CALCOCO1: variants seen among roughly 807,000 people sequenced by gnomAD.
The protein encoded by CALCOCO1 is calcium binding and coiled-coil domain 1.
CALCOCO1 carries 44 observed loss-of-function variants against 86.3 expected under a neutral mutation model. The observed-to-expected ratio is 0.51, with a 90% CI of 0.40 to 0.66. CALCOCO1 has a LOEUF of 0.66. Ranked by LOEUF, CALCOCO1 falls within the 30% of genes least tolerant of loss-of-function variation. CALCOCO1 has a pLI of 0.00. For synonymous variants in CALCOCO1, 297 were observed against 327.6 expected, an observed-to-expected ratio of 0.91 and a Z score of 1.01; for missense variants, 708 against 851.1, an observed-to-expected ratio of 0.83 and a Z score of 2.09.
At chr12:53,724,813 G>T in intron 2 of CALCOCO1, 66 bp from the exon 3 acceptor site, 2 of 1,329,478 alleles carry the variant, frequency 1.5e-6, no homozygotes, top group Non-Finnish European at 2.1e-6. Context: ...GGAAGAAAGG[G>T]CTGAGGGGTT....
At position 53,709,070 on chromosome 12, in the gene CALCOCO1, C is replaced by T. The variant is rs576765672; in HGVS notation, c.*2874G>A. 4.6e-5 allele frequency: 7 copies of T among 152,366 alleles called. No individual in the cohort carries two copies. The highest frequency in any genetic ancestry group is 1.3e-4 in the Admixed American group (2 of 15,304). 9.4% of individuals were successfully genotyped at this position (152,366 alleles called of 1,614,324 possible). A position where few individuals can be genotyped will look rare whatever the true frequency, so the allele number is the denominator to read the frequency against. ...AGTGGTGTGTTTGGATTCGTTCTTT[C>T]ACCACCAAATACTGACGCGAGTTCC... On this transcript the variant is annotated 3_prime_UTR_variant, in exon 15 of 15. Transcript: ENST00000550804.
rs1945819653 is a variant in CALCOCO1, at chr12:53,719,791, T to C, written c.797A>G (p.Glu266Gly). The change falls in exon 7 of 15, where the codon GAG becomes GGG. Residue 266 changes from glutamate to glycine, a missense_variant. By Grantham distance (98) the Glu-to-Gly change is moderately conservative. Coordinates refer to ENST00000550804, the MANE Select transcript of CALCOCO1 (RefSeq NM_020898.3). ...TTCTTTCAGTTGCCCAAGGAGCTTCTCTTGTTCCCGAGTCAGGGCCTTCAC... is the reference window on the plus strand; with the variant it reads ...TTCTTTCAGTTGCCCAAGGAGCTTCCCTTGTTCCCGAGTCAGGGCCTTCAC... ...DTVKALTREQ[E>G]KLLGQLKEVQ... is the part of the protein sequence containing the mutation. 3 of 1,613,988 alleles carry C rather than the reference T, an allele frequency of 1.9e-6. No homozygotes were observed. The highest frequency in any genetic ancestry group is 1.7e-6 in the Non-Finnish European group (2 of 1,179,900).
intron 11 of CALCOCO1, 64 bp from the exon 12 acceptor site, chr12:53,714,305 C>T: frequency 8.1e-7 from 1 of 1,237,270 alleles, no homozygotes; most frequent in South Asian, 1.3e-5. Flanking sequence ...TGCTAGCCTG[C>T]AGAAGCTGCA....
chr12:53,716,144 G>C, intron 8 of CALCOCO1, 97 bp from the exon 9 acceptor site: 1 of 1,579,874 alleles, frequency 6.3e-7, no homozygotes, highest in Non-Finnish European at 8.6e-7. Flanking sequence ...ATTAGGACTC[G>C]GGGTTGTGTT....
intron 1 of CALCOCO1, among the ~76,000 whole-genome samples, chr12:53,726,851 A>T (rs548092904): frequency 6.6e-6 from 1 of 152,334 alleles, no homozygotes; most frequent in Admixed American, 6.5e-5. Flanking sequence ...ACACCCCACA[A>T]AGAAAATCCG....
At chr12:53,726,815 A>G (rs762430087) in intron 1 of CALCOCO1, among the ~76,000 whole-genome samples, 1 of 152,176 alleles carries the variant, frequency 6.6e-6, no homozygotes, top group African/African-American at 2.4e-5. Context: ...ATTGTCCCCA[A>G]AGATATACCT....
rs1945889577 is a variant in CALCOCO1 at position 53,722,109 on chromosome 12, T to A, written c.525A>T (p.Thr175=). The change falls in exon 5 of 15, where the codon ACA becomes ACT. Residue 175 remains threonine (T), a synonymous_variant. Coordinates refer to ENST00000550804, the MANE Select transcript of CALCOCO1 (RefSeq NM_020898.3). ...GCTCCTGCACTCGGCTCCTCAGCTCTGTCACCTGTCCCTCCAGCTGTAGCT... is the reference window on the plus strand; with the variant it reads ...GCTCCTGCACTCGGCTCCTCAGCTCAGTCACCTGTCCCTCCAGCTGTAGCT... ...QLKLQLEGQV[T]ELRSRVQELE... The A allele has an allele frequency of 6.2e-7, 1 of 1,613,878 alleles. No homozygotes were observed. Among genetic ancestry groups the A allele is most frequent in the African/African-American group, 1.3e-5 (1 of 74,946 alleles).
At chr12:53,717,790 G>A (rs899624649) in intron 7 of CALCOCO1, among the ~76,000 whole-genome samples, 2 of 152,226 alleles carry the variant, frequency 1.3e-5, no homozygotes, top group Non-Finnish European at 2.9e-5. Context: ...TTGGGAGGCC[G>A]AGGTGGGCGG....
chr12:53,712,023 T>G lies in CALCOCO1; in HGVS notation c.1997A>C (p.Glu666Ala). 1 of 1,611,424 alleles carries G rather than the reference T, an allele frequency of 6.2e-7. No individual in the cohort carries two copies. Among genetic ancestry groups the G allele is most frequent in the Non-Finnish European group, 8.5e-7 (1 of 1,178,858 alleles). ...GTCCTCCAGGGCATCCTTGTCACTC[T>G]CAGCAGGAAAGCGCTCCTTACAGAT... ...CPICKERFPA[E>A]SDKDALEDHM... Residue 666 changes from glutamate (E) to alanine (A), a missense_variant, in exon 15 of 15, where the codon GAG (glutamate) becomes GCG (alanine). By Grantham distance (107) the Glu-to-Ala change is moderately radical. Coordinates refer to ENST00000550804, the MANE Select transcript of CALCOCO1 (RefSeq NM_020898.3).
chr12:53,724,686 G>A lies in CALCOCO1; in HGVS notation c.218C>T (p.Thr73Ile). The A allele has an allele frequency of 6.2e-7, 1 of 1,614,034 alleles. No individual in the cohort carries two copies. The highest frequency in any genetic ancestry group is 8.5e-7 in the Non-Finnish European group (1 of 1,179,976). ...GGTGTGAATGGGGGAACCATCAGTT[G>A]TACTTTCAGGCACGGAAGACCACAC... ...TFVWSSVPESTTDGSPIHTSV... is the reference protein window; with the variant it reads ...TFVWSSVPESITDGSPIHTSV... Residue 73 changes from threonine to isoleucine, a missense_variant, in exon 3 of 15, where the codon ACA becomes ATA. By Grantham distance (89) the Thr-to-Ile change is moderately conservative. Coordinates refer to ENST00000550804, the MANE Select transcript of CALCOCO1 (RefSeq NM_020898.3).
At chr12:53,726,677 C>T (rs1005768900) in intron 1 of CALCOCO1, among the ~76,000 whole-genome samples, 1 of 152,282 alleles carries the variant, frequency 6.6e-6, no homozygotes. Context: ...AAAGGAGCAA[C>T]TTCTGTCCCC....
chr12:53,713,555 T>C, intron 13 of CALCOCO1, 146 bp downstream of exon 13: 1 of 761,534 alleles, frequency 1.3e-6, no homozygotes, highest in South Asian at 2.1e-5. Context: ...TCCCAGCTAC[T>C]CTTGGGAGAC....
At chr12:53,714,396 C>T (rs1366682036) in intron 11 of CALCOCO1, among the ~76,000 whole-genome samples, 155 bp from the exon 12 acceptor site, 2 of 152,238 alleles carry the variant, frequency 1.3e-5, no homozygotes, top group Admixed American at 1.3e-4. Context: ...CTCCCCCCAG[C>T]ACCCCTGCTT....
At chr12:53,719,587 C>T in intron 7 of CALCOCO1, 152 bp downstream of exon 7, 1 of 621,682 alleles carries the variant, frequency 1.6e-6, no homozygotes, top group Non-Finnish European at 2.9e-6. Context: ...TCCACTCTGA[C>T]TAATCCTGAT....
chr12:53,715,332 G>A lies in CALCOCO1; in HGVS notation c.1261-7C>T, dbSNP rs761952395. ...GGATCTTGTCCTTCTCTGCCTGAGAGATAGCCAAGAAGGAAAATGGGAGGG... is the reference window on the plus strand; with the variant it reads ...GGATCTTGTCCTTCTCTGCCTGAGAAATAGCCAAGAAGGAAAATGGGAGGG... On this transcript the variant is annotated splice_polypyrimidine_tract_variant and splice_region_variant and intron_variant, in intron 9 of 14. Transcript: ENST00000550804. The A allele has an allele frequency of 1.2e-6, 2 of 1,614,000 alleles. No individual in the cohort carries two copies.
Position 53,714,128 on chromosome 12 carries a change from C to G in CALCOCO1, c.1591+5G>C. ...GAGGTGTTACAAGATTGGGGCTACACGGACTCAGCCCCACAGCGGCCTCCT... is the reference window on the plus strand; with the variant it reads ...GAGGTGTTACAAGATTGGGGCTACAGGGACTCAGCCCCACAGCGGCCTCCT... On this transcript the variant is annotated splice_donor_5th_base_variant and intron_variant, in intron 12 of 14. Transcript: ENST00000550804. 1.3e-6 allele frequency: 2 copies of G among 1,597,590 alleles called. No homozygotes were observed. Among genetic ancestry groups the G allele is most frequent in the Non-Finnish European group, 1.7e-6 (2 of 1,167,902 alleles).
chr12:53,715,337 C>G lies in CALCOCO1; in HGVS notation c.1261-12G>C. The G allele has an allele frequency of 6.2e-6, 10 of 1,613,946 alleles. No individual in the cohort carries two copies. Among genetic ancestry groups the G allele is most frequent in the Non-Finnish European group, 8.5e-6 (10 of 1,179,936 alleles). On this transcript the variant is annotated splice_polypyrimidine_tract_variant and intron_variant, in intron 9 of 14. Transcript: ENST00000550804. ...TTGTCCTTCTCTGCCTGAGAGATAG[C>G]CAAGAAGGAAAATGGGAGGGTGGAG...
In CALCOCO1 at chr12:53,714,689, T is replaced by C; in HGVS notation, c.1391A>G (p.Gln464Arg). ...CAGCTCCCGCTTACTTTCTGACAAC[T>C]GTACCTGAGGGAAGAGGGCCCAATG... ...LAREKDSSLV[Q>R]LSESKRELTE... Residue 464 changes from glutamine to arginine, a missense_variant, in exon 11 of 15, where the codon CAG becomes CGG. Gln to Arg is a conservative substitution (Grantham distance 43). Transcript: ENST00000550804. The C allele has an allele frequency of 6.2e-7, 1 of 1,612,472 alleles. No individual in the cohort carries two copies.
At position 53,713,792 on chromosome 12, in the gene CALCOCO1, G is replaced by C. The variant is rs1358528196; in HGVS notation, c.1700C>G (p.Pro567Arg). Residue 567 changes from proline to arginine, a missense_variant, in exon 13 of 15, where the codon CCT (proline) becomes CGT (arginine). Transcript: ENST00000550804. ...GACAACAAGGGGAGAAGCCTCTCGAGGCCCAGCAGGAGAGGAGCCTGGGTC... is the reference window on the plus strand; with the variant it reads ...GACAACAAGGGGAGAAGCCTCTCGACGCCCAGCAGGAGAGGAGCCTGGGTC... ...RGDPGSSPAG[P>R]REASPLVVIS... The C allele has an allele frequency of 1.1e-5, 17 of 1,600,350 alleles. No individual in the cohort carries two copies. The highest frequency in any genetic ancestry group is 1.4e-5 in the Non-Finnish European group (17 of 1,173,680).
Sources: allele counts gnomAD v4.1 joint callset (sites outside exome capture counted in the v4.1 genomes callset), GRCh38; gene constraint gnomAD v4.1.1; transcripts MANE v1.5; gene names NCBI Gene and HGNC (gene_info 2026-07-23, HGNC 2026-07-21).